The following SLC39A11 variants were observed in gnomAD, a reference collection of about 807,000 sequenced individuals.
SLC39A11 encodes zinc transporter ZIP11.
SLC39A11 carries 33 observed loss-of-function variants against 36.1 expected under a neutral mutation model. The ratio of observed to expected loss-of-function variants is 0.91; its 90% CI spans 0.69 to 1.22. SLC39A11 has a LOEUF of 1.22. Ranked by LOEUF, SLC39A11 falls within the 50% of genes most tolerant of loss-of-function variation. The pLI is 0.00. For missense variants in SLC39A11, 432 were observed against 430.3 expected, an observed-to-expected ratio of 1.00 and a Z score of -0.03; for synonymous variants, 166 against 170.3, an observed-to-expected ratio of 0.97 and a Z score of 0.20.
chr17:73,016,024 C>T (rs2058152354), intron 4 of SLC39A11, among the ~76,000 whole-genome samples: 4 of 152,188 alleles, frequency 2.6e-5, no homozygotes, highest in African/African-American at 7.2e-5. Flanking sequence ...CCAGCTCTAA[C>T]ACCAAGATGC....
chr17:72,683,478 T>C (rs1398108934), intron 7 of SLC39A11, among the ~76,000 whole-genome samples: 1 of 151,710 alleles, frequency 6.6e-6, no homozygotes. Context: ...TGGGACTACA[T>C]GCACACACCA....
chr17:73,084,951 T>G, intron 2 of SLC39A11, 105 bp from the exon 3 acceptor site: 1 of 1,165,704 alleles, frequency 8.6e-7, no homozygotes, highest in South Asian at 1.2e-5. Flanking sequence ...AAATAAAGAC[T>G]GGCCGACTCC....
intron 6 of SLC39A11, among the ~76,000 whole-genome samples, chr17:72,799,929 C>T (rs556944561): frequency 1.3e-5 from 2 of 152,034 alleles, no homozygotes; most frequent in South Asian, 4.2e-4. Flanking sequence ...CTTTTGAAAC[C>T]CTTAATAAAA....
chr17:72,699,834 G>T (rs1337963024), intron 7 of SLC39A11, among the ~76,000 whole-genome samples: 2 of 152,174 alleles, frequency 1.3e-5, no homozygotes, highest in East Asian at 3.9e-4. Flanking sequence ...CTTGGCAGGG[G>T]ATGGGTAGCT....
At chr17:72,894,258 AGGCT>A (rs148649676) in intron 5 of SLC39A11, among the ~76,000 whole-genome samples, 13,086 of 145,376 alleles carry the variant, frequency 0.09, 808 homozygotes, top group African/African-American at 0.17. Context: ...GCTACTCTGG[AGGCT>A]GAGGCATGAG....
intron 6 of SLC39A11, among the ~76,000 whole-genome samples, chr17:72,842,518 A>AG: frequency 6.6e-6 from 1 of 152,306 alleles, no homozygotes; most frequent in Non-Finnish European, 1.5e-5. Context: ...ATGATAAGTG[A>AG]TTAGTAGGAA....
chr17:72,690,923 T>C lies in SLC39A11; in HGVS notation c.672-41655A>G, dbSNP rs542354754. Among the ~76,000 whole-genome samples the C allele has an allele frequency of 7.2e-5, 11 of 152,254 alleles. No individual in the cohort carries two copies. The South Asian group carries it at 2.3e-3, about 32-fold the overall frequency. ...ACAGCTCCAAGGAATGGCAGTCACC[T>C]GGAAACGTCTAGAGTAGATAAACCA... On this transcript the variant is annotated intron_variant, in intron 7 of 9. Transcript: ENST00000255559.
chr17:72,791,383 C>T (rs140018385), intron 6 of SLC39A11, among the ~76,000 whole-genome samples: 6,464 of 152,260 alleles, frequency 0.042, 179 homozygotes, highest in South Asian at 0.088. Context: ...ACCTGGGAGG[C>T]AGAGATTGCA....
At chr17:72,692,072 G>A (rs918663306) in intron 7 of SLC39A11, among the ~76,000 whole-genome samples, 14 of 151,288 alleles carry the variant, frequency 9.3e-5, no homozygotes, top group Admixed American at 2.6e-4. Flanking sequence ...GTGCAGTGGC[G>A]CGATCTCGGC....
At chr17:72,946,683 T>C (rs1348953002) in intron 5 of SLC39A11, among the ~76,000 whole-genome samples, 1 of 152,128 alleles carries the variant, frequency 6.6e-6, no homozygotes, top group Non-Finnish European at 1.5e-5. Flanking sequence ...CCCCGGGGTC[T>C]TGCAGGATTA....
intron 5 of SLC39A11, among the ~76,000 whole-genome samples, chr17:72,885,990 T>C (rs932293851): frequency 6.6e-6 from 1 of 152,212 alleles, no homozygotes; most frequent in African/African-American, 2.4e-5. Flanking sequence ...AGCTTGCTCA[T>C]CCTTTCAGCA....
intron 4 of SLC39A11, among the ~76,000 whole-genome samples, chr17:73,018,198 C>G (rs937252208): frequency 6.6e-6 from 1 of 152,168 alleles, no homozygotes; most frequent in Non-Finnish European, 1.5e-5. Context: ...TTTAAGATGA[C>G]TAAATCTAGT....
intron 4 of SLC39A11, among the ~76,000 whole-genome samples, chr17:73,008,159 T>C (rs1487897233): frequency 1.3e-5 from 1 of 76,204 alleles, no homozygotes; most frequent in Non-Finnish European, 4.4e-5. Context: ...TTGTTGTTTT[T>C]TTTTTGTTTT....
At chr17:73,021,024 T>C (rs536393783) in intron 4 of SLC39A11, among the ~76,000 whole-genome samples, 11 of 151,966 alleles carry the variant, frequency 7.2e-5, no homozygotes, top group Admixed American at 1.3e-4. Context: ...TTCACAGAAC[T>C]CCCTCCCTCC....
chr17:72,828,172 G>T (rs751183659), intron 6 of SLC39A11, among the ~76,000 whole-genome samples: 1 of 152,228 alleles, frequency 6.6e-6, no homozygotes, highest in Non-Finnish European at 1.5e-5. Flanking sequence ...TGAATATGCC[G>T]TGTGGCATGG....
chr17:72,935,097 A>G (rs2084660808), intron 5 of SLC39A11, among the ~76,000 whole-genome samples: 1 of 152,224 alleles, frequency 6.6e-6, no homozygotes, highest in East Asian at 1.9e-4. Context: ...ATAATTGCTG[A>G]AAAATCAGGA....
intron 7 of SLC39A11, among the ~76,000 whole-genome samples, chr17:72,686,040 A>AT (rs956900695): frequency 6.6e-6 from 1 of 151,936 alleles, no homozygotes; most frequent in African/African-American, 2.4e-5. Flanking sequence ...TTAAAAAAAA[A>AT]AAAAATCTAT....
At chr17:72,811,902 G>A (rs1598836185) in intron 6 of SLC39A11, among the ~76,000 whole-genome samples, 1 of 152,166 alleles carries the variant, frequency 6.6e-6, no homozygotes, top group Non-Finnish European at 1.5e-5. Context: ...CATGCTATTA[G>A]ATGAGAATGT....
At chr17:72,916,879 A>C (rs538720306) in intron 5 of SLC39A11, among the ~76,000 whole-genome samples, 95 of 152,246 alleles carry the variant, frequency 6.2e-4, no homozygotes, top group Non-Finnish European at 1.2e-3. Flanking sequence ...CTCAAGCTCA[A>C]GCTAGGAATA....
Sources: allele counts gnomAD v4.1 joint callset (sites outside exome capture counted in the v4.1 genomes callset), GRCh38; gene constraint gnomAD v4.1.1; transcripts MANE v1.5; gene names NCBI Gene and HGNC (gene_info 2026-07-23, HGNC 2026-07-21).